The following POLE variants were observed in gnomAD, a reference collection of about 807,000 sequenced individuals.
POLE encodes the protein DNA polymerase epsilon catalytic subunit A.
A neutral mutation model predicts 279.2 loss-of-function variants in POLE; 188 were observed. The observed-to-expected ratio is 0.67, with a 90% CI of 0.60 to 0.76. The LOEUF (loss-of-function observed/expected upper bound fraction) is 0.76, where lower values mean the gene tolerates loss of function less well. POLE is among the 30% of genes least tolerant of loss of function. The pLI is 0.00. For synonymous variants in POLE, 1,214 were observed against 1,172.5 expected (o/e 1.04, Z -0.72); for missense variants, 2,703 against 3,016.7 (o/e 0.90, Z 2.44).
intron 41 of POLE, among the ~76,000 whole-genome samples, chr12:132,637,276 T>C (rs1164891939): frequency 2.0e-5 from 3 of 152,210 alleles, no homozygotes; most frequent in Non-Finnish European, 4.4e-5. Flanking sequence ...GTCAGCCTTT[T>C]CTGCAGCGCC....
Position 132,625,490 on chromosome 12 carries a change from C to T in POLE, c.6657+155G>A, listed in dbSNP as rs577152129. ...GCTCAACCAGTGTGGACAGAACAGT[C>T]CATCAGGCTCAGGGCATGGACTGGT... On this transcript the variant is annotated intron_variant, in intron 47 of 48. Coordinates refer to ENST00000320574, the MANE Select transcript of POLE (RefSeq NM_006231.4). 1.9e-4 allele frequency: 177 copies of T among 950,388 alleles called. 2 individuals carry two copies. The South Asian group carries it at 1.9e-3, about 10-fold the overall frequency. 58.9% of individuals were successfully genotyped at this position (950,388 alleles called of 1,614,324 possible). A position where few individuals can be genotyped will look rare whatever the true frequency, so the allele number is the denominator to read the frequency against.
Position 132,675,656 on chromosome 12 carries a change from A to G in POLE, c.1106+79T>C. 1.3e-6 allele frequency: 2 copies of G among 1,563,692 alleles called. No homozygotes were observed. The highest frequency in any genetic ancestry group is 1.8e-6 in the Non-Finnish European group (2 of 1,136,356). On this transcript the variant is annotated intron_variant, in intron 11 of 48. Transcript: ENST00000320574. This position sits in a 1 kb window ranked among gnomAD's most constrained non-coding sequence, Gnocchi z 4.3. ...CCCAGGAGCCACCTCCTAAGTCGAC[A>G]TGGGAAGCGCCCCTGCACCACGCAA...
At chr12:132,684,312 A>G (rs376681077) in intron 1 of POLE, among the ~76,000 whole-genome samples, 1 of 1,564 alleles carries the variant, frequency 6.4e-4, no homozygotes, top group Non-Finnish European at 1.2e-3. Context: ...ACTGGTTACT[A>G]TATCACACCG....
At chr12:132,680,937 C>T in intron 2 of POLE, 1 of 643,074 alleles carries the variant, frequency 1.6e-6, no homozygotes, top group East Asian at 2.7e-5. Flanking sequence ...AAAGAGATGC[C>T]CATCACCTCC....
chr12:132,685,536 A>C (rs1444116877), intron 1 of POLE, among the ~76,000 whole-genome samples: 3 of 152,274 alleles, frequency 2.0e-5, no homozygotes, highest in Admixed American at 1.3e-4. Flanking sequence ...GGTAACCCAC[A>C]TAAAGCATGT....
At chr12:132,627,154 G>C (rs1381368824) in intron 45 of POLE, among the ~76,000 whole-genome samples, 1 of 152,132 alleles carries the variant, frequency 6.6e-6, no homozygotes, top group African/African-American at 2.4e-5. Context: ...GGTGGCGGGT[G>C]CACCTGTGAT....
chr12:132,659,721 C>CATTCTG, intron 25 of POLE: 1 of 543,442 alleles, frequency 1.8e-6, no homozygotes, highest in Non-Finnish European at 3.3e-6. Context: ...GAGACAGAGT[C>CATTCTG]TCATTCTGTC....
At chr12:132,637,122 A>C (rs953167658) in intron 41 of POLE, among the ~76,000 whole-genome samples, 4 of 152,238 alleles carry the variant, frequency 2.6e-5, no homozygotes, top group Non-Finnish European at 5.9e-5. Flanking sequence ...TTGGATAGAC[A>C]TAAGGGGCCA....
chr12:132,641,289 T>C, intron 39 of POLE: 1 of 382,926 alleles, frequency 2.6e-6, no homozygotes, highest in Non-Finnish European at 5.0e-6. Context: ...GACCGACGGC[T>C]CCTGACACCT....
In POLE at chr12:132,634,756, C is replaced by T. The variant is rs1321285377; in HGVS notation, c.5812-378G>A. On this transcript the variant is annotated intron_variant, in intron 42 of 48. Coordinates refer to ENST00000320574, the MANE Select transcript of POLE (RefSeq NM_006231.4). The surrounding 1 kb of genome is among the most constrained non-coding windows in gnomAD (Gnocchi z 4.0). ...GGGACGGCACGACCCCATCACAGAC[C>T]CAGCCTCCCGCGCAGCCTGTGTTCG... 6.6e-6 allele frequency among the ~76,000 whole-genome samples: 1 copy of T among 152,182 alleles called. No individual in the cohort carries two copies. Among genetic ancestry groups the T allele is most frequent in the Non-Finnish European group, 1.5e-5 (1 of 68,020 alleles).
At chr12:132,640,335 A>C (rs779919154) in intron 39 of POLE, among the ~76,000 whole-genome samples, 1 of 152,184 alleles carries the variant, frequency 6.6e-6, no homozygotes, top group East Asian at 1.9e-4. Flanking sequence ...CCCTCTGAAG[A>C]GGCAGGGGCT....
chr12:132,659,841 G>A (rs1267312361), intron 25 of POLE: 3 of 263,322 alleles, frequency 1.1e-5, no homozygotes, highest in Non-Finnish European at 2.2e-5. Flanking sequence ...ACAGGCACAT[G>A]CCATCACATC....
intron 26 of POLE, chr12:132,658,797 C>G: frequency 6.6e-6 from 1 of 152,412 alleles, no homozygotes; most frequent in Non-Finnish European, 1.4e-5. Flanking sequence ...ATTCCCTCCT[C>G]ACACAGAAGT....
chr12:132,677,799 G>T, intron 6 of POLE, 80 bp from the exon 7 acceptor site: 1 of 1,364,494 alleles, frequency 7.3e-7, no homozygotes, highest in Non-Finnish European at 1.0e-6. Flanking sequence ...TCAGTAGGAA[G>T]AGGTGAGACC....
At position 132,643,404 on chromosome 12, in the gene POLE, T is replaced by C. The variant is rs398122515; in HGVS notation, c.4444+3A>G. On this transcript the variant is annotated splice_donor_region_variant and intron_variant, in intron 34 of 48. Transcript: ENST00000320574. Reference sequence around the variant, plus strand: ...CATGATGGGCGGCTGGTGCAGGCCATACCTGGTTCCAGGTAGCTGAACTGG... The same window carrying C: ...CATGATGGGCGGCTGGTGCAGGCCACACCTGGTTCCAGGTAGCTGAACTGG... The C allele has an allele frequency of 3.1e-6, 5 of 1,614,100 alleles. No homozygotes were observed. Among genetic ancestry groups the C allele is most frequent in the Non-Finnish European group, 4.2e-6 (5 of 1,180,036 alleles).
At position 132,649,899 on chromosome 12, in the gene POLE, C is replaced by T; in HGVS notation, c.3583-10G>A. ...CCTCGGCCATCGTGACCTGGAAAGA[C>T]CCAGTGAAGCCTTAAATCTCAGGAT... On this transcript the variant is annotated splice_polypyrimidine_tract_variant and intron_variant, in intron 29 of 48. Coordinates refer to ENST00000320574, the MANE Select transcript of POLE (RefSeq NM_006231.4). The T allele has an allele frequency of 6.2e-7, 1 of 1,611,892 alleles. No individual in the cohort carries two copies. The highest frequency in any genetic ancestry group is 1.3e-5 in the African/African-American group (1 of 75,000).
rs981412795 is a variant in POLE, at chr12:132,675,964, C to T, written c.1020+130G>A. On this transcript the variant is annotated intron_variant, in intron 10 of 48. Transcript: ENST00000320574. The surrounding 1 kb of genome is among the most constrained non-coding windows in gnomAD (Gnocchi z 4.3). ...CTCCGCCCGTCTCTGGCAGAAAAGA[C>T]GGTCATACCCTGAGAACAAAGCTCA... 11 of 929,882 alleles carry T rather than the reference C, an allele frequency of 1.2e-5. No individual in the cohort carries two copies. The highest frequency in any genetic ancestry group is 4.3e-5 in the Admixed American group (2 of 46,732). The allele number at this position is 929,882 out of a possible 1,614,324, so 57.6% of individuals were successfully genotyped here. A position where few individuals can be genotyped will look rare whatever the true frequency, so the allele number is the denominator to read the frequency against.
At chr12:132,629,374 G>A (rs1443676678) in intron 45 of POLE, among the ~76,000 whole-genome samples, 1 of 152,216 alleles carries the variant, frequency 6.6e-6, no homozygotes, top group Non-Finnish European at 1.5e-5. Flanking sequence ...GTCCTAGATG[G>A]CATCTTCTTC....
At position 132,635,946 on chromosome 12, in the gene POLE, T is replaced by C. The variant is rs1426714579; in HGVS notation, c.5757A>G (p.Pro1919=). The C allele has an allele frequency of 4.3e-6, 7 of 1,614,012 alleles. No homozygotes were observed. Among genetic ancestry groups the C allele is most frequent in the South Asian group, 3.3e-5 (3 of 91,068 alleles). Residue 1919 remains proline (P), a synonymous_variant, in exon 42 of 49, where the codon CCA becomes CCG. Transcript: ENST00000320574. ...TTCCTTTGATTCCGCCATAGTTAGA[T>C]GGATCCATCCAGAGAAGAAATTCCC... ...RCWEFLLWMD[P]SNYGGIKGKV... is the part of the protein sequence containing the mutation.
Sources: allele counts gnomAD v4.1 joint callset (sites outside exome capture counted in the v4.1 genomes callset), GRCh38; gene constraint gnomAD v4.1.1; non-coding constraint Gnocchi (gnomAD v3.1); transcripts MANE v1.5; gene names NCBI Gene and HGNC (gene_info 2026-07-23, HGNC 2026-07-21).